Variants in SLC9A4 observed in about 807,000 individuals in gnomAD.
SLC9A4 encodes sodium/hydrogen exchanger 4.
In SLC9A4, 63 loss-of-function variants were observed where a neutral mutation model predicts 67.4. That is an observed-to-expected ratio of 0.93 (90% CI 0.76 to 1.15). The LOEUF (loss-of-function observed/expected upper bound fraction) is 1.15, where lower values mean the gene tolerates loss of function less well. Ranked by LOEUF, SLC9A4 falls within the 50% of genes most tolerant of loss-of-function variation. The probability of loss-of-function intolerance (pLI) is 0.00; values close to 1 mark genes in which losing one functional copy is unlikely to be tolerated. For synonymous variants in SLC9A4, 393 were observed against 367.2 expected, an observed-to-expected ratio of 1.07 and a Z score of -0.80; for missense variants, 1,089 against 987.7, an observed-to-expected ratio of 1.10 and a Z score of -1.38.
rs1684989026 is a variant in SLC9A4 at position 102,503,597 on chromosome 2, T to C, written c.870T>C (p.Phe290=). Residue 290 remains phenylalanine, a synonymous_variant, in exon 3 of 12, where the codon TTT becomes TTC. Coordinates refer to ENST00000295269, the MANE Select transcript of SLC9A4 (RefSeq NM_001011552.4). ...FGIVFGFISA[F]ITRFTQNISA... is the part of the protein sequence containing the mutation. ...TCGTTTTTGGATTTATTTCTGCATTTATCACACGTTTCACTCAGAATATCT... is the reference window on the plus strand; with the variant it reads ...TCGTTTTTGGATTTATTTCTGCATTCATCACACGTTTCACTCAGAATATCT... 6.2e-7 allele frequency: 1 copy of C among 1,614,200 alleles called. No homozygotes were observed. The highest frequency in any genetic ancestry group is 2.2e-5 in the East Asian group (1 of 44,880).
chr2:102,499,254 T>C (rs1180868277), intron 2 of SLC9A4, among the ~76,000 whole-genome samples: 1 of 151,704 alleles, frequency 6.6e-6, no homozygotes, highest in Non-Finnish European at 1.5e-5. Context: ...GATAGAGAGA[T>C]GGATGATAGA....
At chr2:102,500,901 A>C (rs952027971) in intron 2 of SLC9A4, among the ~76,000 whole-genome samples, 7 of 152,022 alleles carry the variant, frequency 4.6e-5, no homozygotes, top group African/African-American at 1.7e-4. Flanking sequence ...CAGCTTAGGG[A>C]CAACTTTGCA....
chr2:102,490,953 T>C (rs1029776280), intron 2 of SLC9A4, among the ~76,000 whole-genome samples: 8 of 152,232 alleles, frequency 5.3e-5, no homozygotes, highest in African/African-American at 1.9e-4. Context: ...CTGGTCACTG[T>C]GCTGGAGGAA....
rs551192528 is a variant in SLC9A4, at chr2:102,492,194, C to T, written c.721-11254C>T. On this transcript the variant is annotated intron_variant, in intron 2 of 11. Transcript: ENST00000295269. The stretch of plus-strand genomic sequence containing the variant: ...GGTCTGTGGCTTTTCAAGGTACAAG[C>T]TGTCAGTGGATCTGCCATTCTGGGG... Among the ~76,000 whole-genome samples, 61 of 152,336 alleles carry T rather than the reference C, an allele frequency of 4.0e-4. No homozygotes were observed. The East Asian group carries it at 8.3e-3, about 21-fold the overall frequency.
chr2:102,500,686 G>A (rs1049836262), intron 2 of SLC9A4, among the ~76,000 whole-genome samples: 6 of 152,116 alleles, frequency 3.9e-5, no homozygotes, highest in African/African-American at 1.4e-4. Flanking sequence ...TGCACATAAG[G>A]GAGTAACAAA....
At chr2:102,475,344 C>T (rs925820335) in intron 1 of SLC9A4, among the ~76,000 whole-genome samples, 19 of 152,192 alleles carry the variant, frequency 1.2e-4, no homozygotes, top group Admixed American at 1.2e-3. Context: ...TCCCTGCTCC[C>T]CATTCCACAA....
At chr2:102,512,676 GCC>G (rs1685189047) in intron 7 of SLC9A4, among the ~76,000 whole-genome samples, 1 of 152,198 alleles carries the variant, frequency 6.6e-6, no homozygotes. Flanking sequence ...TGTTGGGGAG[GCC>G]ATGGTGGAAG....
At chr2:102,480,691 C>T (rs1365457585) in intron 2 of SLC9A4, among the ~76,000 whole-genome samples, 12 of 152,168 alleles carry the variant, frequency 7.9e-5, no homozygotes, top group Admixed American at 5.9e-4. Flanking sequence ...ACAGTATGTA[C>T]ATTTAACAAT....
chr2:102,526,500 G>A (rs570531530), intron 11 of SLC9A4, among the ~76,000 whole-genome samples, 154 bp downstream of exon 11: 12 of 152,154 alleles, frequency 7.9e-5, no homozygotes, highest in Admixed American at 3.9e-4. Flanking sequence ...GTTGAAACTC[G>A]GAACTTTGTT....
intron 2 of SLC9A4, among the ~76,000 whole-genome samples, chr2:102,501,354 C>T (rs1169275182): frequency 1.3e-5 from 2 of 152,082 alleles, no homozygotes; most frequent in African/African-American, 4.8e-5. Flanking sequence ...CTCCTGAGCT[C>T]AGGCAATCTG....
intron 1 of SLC9A4, among the ~76,000 whole-genome samples, chr2:102,474,993 T>C (rs576102223): frequency 1.3e-4 from 20 of 152,210 alleles, no homozygotes; most frequent in Non-Finnish European, 2.5e-4. Context: ...GGCTATTCAC[T>C]TAGCTCCCTC....
intron 7 of SLC9A4, among the ~76,000 whole-genome samples, chr2:102,513,594 C>T (rs1422643219): frequency 6.6e-6 from 1 of 152,126 alleles, no homozygotes; most frequent in Non-Finnish European, 1.5e-5. Context: ...TGGTAGGATT[C>T]AAAATGATCT....
intron 2 of SLC9A4, among the ~76,000 whole-genome samples, chr2:102,501,212 C>G (rs1383711250): frequency 1.3e-5 from 2 of 152,016 alleles, no homozygotes; most frequent in Non-Finnish European, 2.9e-5. Flanking sequence ...ACCTCCACTT[C>G]CCGGGTTCGA....
chr2:102,522,067 A>T (rs987414350), intron 9 of SLC9A4, among the ~76,000 whole-genome samples: 7 of 152,210 alleles, frequency 4.6e-5, no homozygotes, highest in African/African-American at 1.7e-4. Context: ...CCGGTAGGAC[A>T]ACCACAGAAG....
chr2:102,485,678 A>G (rs1444292649), intron 2 of SLC9A4, among the ~76,000 whole-genome samples: 5 of 152,174 alleles, frequency 3.3e-5, no homozygotes, highest in African/African-American at 7.2e-5. Context: ...AGAGTGAATA[A>G]TGATGAGGCG....
chr2:102,503,294 G>T, intron 2 of SLC9A4, 154 bp from the exon 3 acceptor site: 1 of 722,288 alleles, frequency 1.4e-6, no homozygotes. Flanking sequence ...CTAAATTATT[G>T]GGAATACAGT....
At chr2:102,507,614 C>T (rs532646666) in intron 4 of SLC9A4, among the ~76,000 whole-genome samples, 16 of 152,182 alleles carry the variant, frequency 1.1e-4, no homozygotes, top group South Asian at 4.2e-4. Flanking sequence ...GTAGAGACCA[C>T]GGTCTCTAAG....
chr2:102,486,832 A>C (rs1684599043), intron 2 of SLC9A4, among the ~76,000 whole-genome samples: 1 of 152,218 alleles, frequency 6.6e-6, no homozygotes, highest in African/African-American at 2.4e-5. Flanking sequence ...CCTGTGTGCC[A>C]GAGATAGGTC....
chr2:102,520,810 CAAAT>C (rs1371187631), intron 9 of SLC9A4, among the ~76,000 whole-genome samples: 1 of 152,180 alleles, frequency 6.6e-6, no homozygotes, highest in Non-Finnish European at 1.5e-5. Flanking sequence ...GGTTACAAAA[CAAAT>C]CCAGGTTAAG....
Sources: gnomAD v4.1 joint callset for allele counts (sites outside exome capture counted in the v4.1 genomes callset) on GRCh38, gnomAD v4.1.1 for gene constraint, MANE v1.5 for transcripts, NCBI Gene and HGNC (gene_info 2026-07-23, HGNC 2026-07-21) for gene names.